Variants in RDH12 observed in about 807,000 individuals in gnomAD.
RDH12 encodes retinol dehydrogenase 12, also known as all-trans and 9-cis retinol dehydrogenase.
RDH12 carries 21 observed loss-of-function variants against 34.0 expected under a neutral mutation model. The ratio of observed to expected loss-of-function variants is 0.62; its 90% CI spans 0.44 to 0.89. The LOEUF (loss-of-function observed/expected upper bound fraction) is 0.89. Among genes scored for constraint, RDH12 ranks in the 40% least tolerant of loss-of-function variants. RDH12 has a pLI of 0.00. For synonymous variants in RDH12, 198 were observed against 169.9 expected (o/e 1.17, Z -1.29); for missense variants, 394 against 398.6 (o/e 0.99, Z 0.10).
In RDH12 at chr14:67,726,017, C is replaced by A. The variant is rs780723526; in HGVS notation, c.344-34C>A. 6 of 1,474,544 alleles carry A rather than the reference C, an allele frequency of 4.1e-6. No individual in the cohort carries two copies. In the Admixed American group the frequency reaches 8.4e-5, roughly 21 times the overall value. The allele number at this position is 1,474,544 out of a possible 1,614,324, so 91.3% of individuals were successfully genotyped here. On this transcript the variant is annotated intron_variant, in intron 5 of 8. Transcript: ENST00000551171. ...TTACAGGCAGCTAGGGGACTCCTTG[C>A]TAACCATAGGATCTCTTTGGTTGTG...
chr14:67,705,788 T>C (rs2037944416), intron 1 of RDH12, among the ~76,000 whole-genome samples: 1 of 152,196 alleles, frequency 6.6e-6, no homozygotes, highest in African/African-American at 2.4e-5. Context: ...AAAAGACACA[T>C]TTGATCAACC....
At chr14:67,718,410 A>C (rs926928825) in intron 1 of RDH12, among the ~76,000 whole-genome samples, 2 of 152,198 alleles carry the variant, frequency 1.3e-5, no homozygotes, top group African/African-American at 2.4e-5. Flanking sequence ...TAACCAGGAG[A>C]CCAGTACAGT....
chr14:67,729,695 T>C (rs377047895), intron 8 of RDH12: 24 of 553,842 alleles, frequency 4.3e-5, no homozygotes, highest in African/African-American at 4.1e-4. Context: ...GTTTTTCTCC[T>C]TCTTTAAGCT....
chr14:67,724,996 C>A, intron 4 of RDH12, 103 bp from the exon 5 acceptor site: 2 of 1,305,518 alleles, frequency 1.5e-6, no homozygotes, highest in Non-Finnish European at 1.1e-6. Flanking sequence ...TGAAGGATGG[C>A]TGGGAGAATG....
At position 67,722,951 on chromosome 14, in the gene RDH12, G is replaced by C. The variant is rs546594948; in HGVS notation, c.68+241G>C. 2.0e-5 allele frequency among the ~76,000 whole-genome samples: 3 copies of C among 152,294 alleles called. No individual in the cohort carries two copies. The South Asian group carries it at 6.2e-4, about 32-fold the overall frequency. Reference sequence around the variant, plus strand: ...CCTGAGCTCTGGGGAGAGTTCTACTGCCAGCGGAAGGCTGCATGGATGACT... The same window carrying C: ...CCTGAGCTCTGGGGAGAGTTCTACTCCCAGCGGAAGGCTGCATGGATGACT... On this transcript the variant is annotated intron_variant, in intron 3 of 8. Coordinates refer to ENST00000551171, the MANE Select transcript of RDH12 (RefSeq NM_152443.3).
At chr14:67,702,761 T>C (rs1462289035) in intron 1 of RDH12, among the ~76,000 whole-genome samples, 2 of 152,340 alleles carry the variant, frequency 1.3e-5, no homozygotes, top group African/African-American at 4.8e-5. Context: ...TGTATATATG[T>C]AAACACATCT....
intron 1 of RDH12, chr14:67,714,865 C>T (rs1419641891): frequency 6.6e-6 from 1 of 152,184 alleles, no homozygotes; most frequent in Non-Finnish European, 1.5e-5. Flanking sequence ...CAGAGGCAAA[C>T]CTGTGCAAAG....
intron 1 of RDH12, among the ~76,000 whole-genome samples, chr14:67,709,353 A>G (rs2037985342): frequency 6.6e-6 from 1 of 152,220 alleles, no homozygotes; most frequent in Non-Finnish European, 1.5e-5. Context: ...AGCCAATTAA[A>G]TTCATTTTTC....
chr14:67,728,755 A>G (rs1173661913), intron 7 of RDH12, among the ~76,000 whole-genome samples: 4 of 150,556 alleles, frequency 2.7e-5, no homozygotes, highest in Admixed American at 2.0e-4. Context: ...CTCAATCTAT[A>G]CCTCATGAAA....
rs528305541 is a variant in RDH12, at chr14:67,722,891, C to T, written c.68+181C>T. 5.2e-4 allele frequency among the ~76,000 whole-genome samples: 79 copies of T among 152,310 alleles called. 4 individuals carry two copies. The South Asian group carries it at 0.015, about 30-fold the overall frequency. On this transcript the variant is annotated intron_variant, in intron 3 of 8. Coordinates refer to ENST00000551171, the MANE Select transcript of RDH12 (RefSeq NM_152443.3). ...GTGGAAAACCAGAAGGAAGCATCTG[C>T]GGCCGGGCAGAGGTGGGGCTGAGTT...
In RDH12 at chr14:67,733,860, G is replaced by A. The variant is rs564474436; in HGVS notation, c.*12G>A. Reference sequence around the variant, plus strand: ...TCCGGTGGGAGTAGCTGGTGGAAGAGCTGCAGCTTTATCAGGCCCAATCCA... The same window carrying A: ...TCCGGTGGGAGTAGCTGGTGGAAGAACTGCAGCTTTATCAGGCCCAATCCA... On this transcript the variant is annotated 3_prime_UTR_variant, in exon 9 of 9. Transcript: ENST00000551171. 1.3e-6 allele frequency: 2 copies of A among 1,590,540 alleles called. No homozygotes were observed. Among genetic ancestry groups the A allele is most frequent in the South Asian group, 1.1e-5 (1 of 90,560 alleles).
At chr14:67,715,207 T>C (rs1239040130) in intron 1 of RDH12, 1 of 92,406 alleles carries the variant, frequency 1.1e-5, no homozygotes, top group East Asian at 3.1e-4. Context: ...CATAGCATAA[T>C]AGCCGTTAAA....
At chr14:67,732,733 C>T (rs1256962188) in intron 8 of RDH12, among the ~76,000 whole-genome samples, 3 of 152,040 alleles carry the variant, frequency 2.0e-5, no homozygotes, top group East Asian at 1.9e-4. Context: ...CCCACCACCA[C>T]ACCCGGCTAA....
At chr14:67,731,457 C>T (rs569055434) in intron 8 of RDH12, among the ~76,000 whole-genome samples, 95 of 151,942 alleles carry the variant, frequency 6.3e-4, no homozygotes, top group African/African-American at 2.2e-3. Flanking sequence ...TCAAGTGATC[C>T]GCCCACCTCA....
chr14:67,729,431 C>T, intron 8 of RDH12, 51 bp downstream of exon 8: 2 of 1,547,826 alleles, frequency 1.3e-6, no homozygotes, highest in Non-Finnish European at 1.8e-6. Context: ...ATGGGAGGTG[C>T]CGGACTCGCT....
At chr14:67,721,268 G>T (rs1231969090) in intron 2 of RDH12, among the ~76,000 whole-genome samples, 1 of 152,116 alleles carries the variant, frequency 6.6e-6, no homozygotes, top group Non-Finnish European at 1.5e-5. Flanking sequence ...GCGAGGAAGG[G>T]CAATGAATCC....
At chr14:67,726,928 T>A in intron 6 of RDH12, 53 bp from the exon 7 acceptor site, 5 of 1,545,696 alleles carry the variant, frequency 3.2e-6, no homozygotes, top group Non-Finnish European at 4.5e-6. Context: ...TCCCACATGC[T>A]GAGCCTGGGC....
intron 1 of RDH12, among the ~76,000 whole-genome samples, chr14:67,720,606 T>A (rs1303549649): frequency 1.3e-5 from 2 of 152,362 alleles, no homozygotes; most frequent in East Asian, 3.9e-4. Flanking sequence ...AATGGCATTT[T>A]CATCATATCT....
chr14:67,704,977 A>T (rs1021854390), intron 1 of RDH12, among the ~76,000 whole-genome samples: 12 of 152,240 alleles, frequency 7.9e-5, no homozygotes, highest in Non-Finnish European at 7.3e-5. Flanking sequence ...GGTTGGAAGC[A>T]GGTCTAGGTA....
Sources: gnomAD v4.1 joint callset for allele counts (sites outside exome capture counted in the v4.1 genomes callset) on GRCh38, gnomAD v4.1.1 for gene constraint, MANE v1.5 for transcripts, NCBI Gene and HGNC (gene_info 2026-07-23, HGNC 2026-07-21) for gene names.